PRDM16: variants seen among roughly 807,000 people sequenced by gnomAD.
PRDM16 encodes PR/SET domain 16, also known as histone-lysine N-methyltransferase PRDM16.
A neutral mutation model predicts 110.6 loss-of-function variants in PRDM16; 23 were observed. The ratio of observed to expected loss-of-function variants is 0.21; its 90% CI spans 0.15 to 0.29. The LOEUF (loss-of-function observed/expected upper bound fraction) is 0.29, where lower values mean the gene tolerates loss of function less well. Among genes scored for constraint, PRDM16 ranks in the 10% least tolerant of loss-of-function variants. The pLI is 1.00. For synonymous variants in PRDM16, 799 were observed against 781.8 expected (o/e 1.02, Z -0.37); for missense variants, 1,615 against 1,794.3 (o/e 0.90, Z 1.81).
chr1:3,407,597 A>G (rs1371513422), intron 8 of PRDM16, among the ~76,000 whole-genome samples: 3 of 152,194 alleles, frequency 2.0e-5, no homozygotes, highest in Non-Finnish European at 4.4e-5. Flanking sequence ...GCCTCAGATG[A>G]CAACGTGGAG....
intron 1 of PRDM16, among the ~76,000 whole-genome samples, chr1:3,086,225 C>A (rs923805307): frequency 6.6e-6 from 1 of 152,142 alleles, no homozygotes; most frequent in Non-Finnish European, 1.5e-5. Context: ...GCCTTAAAAA[C>A]CATAAGGTGC....
intron 8 of PRDM16, among the ~76,000 whole-genome samples, chr1:3,409,234 AGT>A (rs562387491): frequency 0.011 from 1,704 of 150,680 alleles, 17 homozygotes; most frequent in Non-Finnish European, 0.019. Flanking sequence ...TGGGTGTGAG[AGT>A]GTGTGAGTGG....
At chr1:3,140,200 G>A (rs1368222408) in intron 1 of PRDM16, among the ~76,000 whole-genome samples, 2 of 152,274 alleles carry the variant, frequency 1.3e-5, no homozygotes, top group South Asian at 2.1e-4. Flanking sequence ...CCGGATGGCC[G>A]TTGCCACGCA....
intron 2 of PRDM16, among the ~76,000 whole-genome samples, chr1:3,193,900 G>C (rs1638383568): frequency 6.6e-6 from 1 of 152,182 alleles, no homozygotes; most frequent in African/African-American, 2.4e-5. Context: ...GCCTGCCTTG[G>C]AGATGCTGGG....
chr1:3,071,481 C>G (rs1305481504), intron 1 of PRDM16, among the ~76,000 whole-genome samples: 2 of 152,270 alleles, frequency 1.3e-5, no homozygotes, highest in African/African-American at 2.4e-5. Context: ...GCGCTGGGAA[C>G]CCCTCCTTCC....
At chr1:3,154,246 C>T (rs1313625688) in intron 1 of PRDM16, among the ~76,000 whole-genome samples, 5 of 152,154 alleles carry the variant, frequency 3.3e-5, no homozygotes, top group Admixed American at 2.0e-4. Context: ...GACGGACTGG[C>T]GCTGTCACCA....
chr1:3,229,057 C>T (rs2253344), intron 2 of PRDM16, among the ~76,000 whole-genome samples: 17,505 of 152,298 alleles, frequency 0.11, 1,294 homozygotes, highest in South Asian at 0.24. Flanking sequence ...TGAATGCCTT[C>T]GCAGGCGGGA....
intron 9 of PRDM16, 40 bp from the exon 10 acceptor site, chr1:3,414,520 C>A (rs748861363): frequency 1.8e-5 from 27 of 1,502,190 alleles, no homozygotes; most frequent in Non-Finnish European, 2.1e-5. Flanking sequence ...GCGGGGCGGG[C>A]GGCTCGGTGG....
chr1:3,345,220 G>C (rs143898987), intron 3 of PRDM16, among the ~76,000 whole-genome samples: 1 of 152,210 alleles, frequency 6.6e-6, no homozygotes, highest in Non-Finnish European at 1.5e-5. Flanking sequence ...CAAGGGTTCA[G>C]TTCCTCCAGT....
At chr1:3,428,509 C>T (rs927128668) in intron 14 of PRDM16, among the ~76,000 whole-genome samples, 2 of 152,204 alleles carry the variant, frequency 1.3e-5, no homozygotes, top group African/African-American at 2.4e-5. Flanking sequence ...CTCAGGCCCT[C>T]GGAAGACCCG....
At chr1:3,401,316 C>T (rs554049236) in intron 5 of PRDM16, among the ~76,000 whole-genome samples, 34 of 152,322 alleles carry the variant, frequency 2.2e-4, no homozygotes, top group Non-Finnish European at 4.4e-4. Flanking sequence ...CCCATCCCCC[C>T]GTCTCCGCGG....
chr1:3,198,157 C>T lies in PRDM16; in HGVS notation c.387+11683C>T, dbSNP rs536175512. On this transcript the variant is annotated intron_variant, in intron 2 of 16. Coordinates refer to ENST00000270722, the MANE Select transcript of PRDM16 (RefSeq NM_022114.4). The stretch of plus-strand genomic sequence containing the variant: ...GGGTAGAATCTGCTCGGGTCAGGGG[C>T]GGGCACTCCATGCGTTCTCTGGACC... 3.9e-5 allele frequency among the ~76,000 whole-genome samples: 6 copies of T among 152,292 alleles called. No individual in the cohort carries two copies. The East Asian group carries it at 9.7e-4, about 25-fold the overall frequency.
intron 2 of PRDM16, among the ~76,000 whole-genome samples, chr1:3,237,203 G>A (rs1031804585): frequency 3.9e-5 from 6 of 152,186 alleles, no homozygotes; most frequent in African/African-American, 1.4e-4. Flanking sequence ...CCCTGCCTGA[G>A]TGAAATCCCT....
intron 2 of PRDM16, among the ~76,000 whole-genome samples, chr1:3,224,925 C>T (rs1639251812): frequency 6.6e-6 from 1 of 152,230 alleles, no homozygotes; most frequent in Non-Finnish European, 1.5e-5. Flanking sequence ...ATCTCAGGGA[C>T]TCTGGCGGGG....
At chr1:3,119,031 G>A (rs1295308587) in intron 1 of PRDM16, among the ~76,000 whole-genome samples, 5 of 152,364 alleles carry the variant, frequency 3.3e-5, no homozygotes, top group African/African-American at 1.2e-4. Context: ...GGTCCTCCCT[G>A]TAGAGCTGGG....
At chr1:3,102,079 G>A (rs1205455283) in intron 1 of PRDM16, among the ~76,000 whole-genome samples, 1 of 152,224 alleles carries the variant, frequency 6.6e-6, no homozygotes, top group Non-Finnish European at 1.5e-5. Flanking sequence ...GAGTTGGGGA[G>A]GATGCCCCGG....
intron 1 of PRDM16, among the ~76,000 whole-genome samples, chr1:3,181,849 G>A (rs1280786933): frequency 1.1e-5 from 1 of 88,596 alleles, no homozygotes. Flanking sequence ...CTTACACACG[G>A]TCTTACACAC....
chr1:3,254,186 G>GAA (rs1401576244), intron 3 of PRDM16, among the ~76,000 whole-genome samples: 1 of 152,062 alleles, frequency 6.6e-6, no homozygotes, highest in East Asian at 1.9e-4. Context: ...AGTTTCTTTT[G>GAA]CTGTGCAGAA....
intron 3 of PRDM16, among the ~76,000 whole-genome samples, chr1:3,332,464 C>T: frequency 6.6e-6 from 1 of 152,010 alleles, no homozygotes; most frequent in East Asian, 1.9e-4. Context: ...CCTGGCCCCC[C>T]CTCGGTTCGG....
Sources: allele counts gnomAD v4.1 joint callset (sites outside exome capture counted in the v4.1 genomes callset), GRCh38; gene constraint gnomAD v4.1.1; transcripts MANE v1.5; gene names NCBI Gene and HGNC (gene_info 2026-07-23, HGNC 2026-07-21).